The following LRRC53 variants were observed in gnomAD, a reference collection of about 807,000 sequenced individuals.
LRRC53 encodes the protein leucine-rich repeat-containing protein 53.
A neutral mutation model predicts 13.6 loss-of-function variants in LRRC53; 25 were observed. The observed-to-expected ratio is 1.83, with a 90% CI of 1.34 to 2.56. The LOEUF (loss-of-function observed/expected upper bound fraction) is 2.56, where lower values mean the gene tolerates loss of function less well. LRRC53 is among the 30% of genes most tolerant of loss of function. The pLI is 0.00. For synonymous variants in LRRC53, 204 were observed against 109.8 expected (o/e 1.86, Z -5.37); for missense variants, 527 against 275.8 (o/e 1.91, Z -6.45).
intron 1 of LRRC53, among the ~76,000 whole-genome samples, chr1:74,502,686 T>C (rs1013673493): frequency 2.0e-5 from 3 of 152,188 alleles, no homozygotes; most frequent in Non-Finnish European, 2.9e-5. Context: ...TAGCCTTTGA[T>C]TGGAGGGAAA....
the LRRC53 span, among the ~76,000 whole-genome samples, chr1:74,518,322 C>A: frequency 6.6e-6 from 1 of 152,176 alleles, no homozygotes; most frequent in Admixed American, 6.6e-5. Flanking sequence ...TTATTTTCAT[C>A]TCCTATTTCC....
At chr1:74,532,550 G>T in the LRRC53 span, among the ~76,000 whole-genome samples, 1 of 151,558 alleles carries the variant, frequency 6.6e-6, no homozygotes, top group African/African-American at 2.4e-5. Flanking sequence ...ATGCATACAT[G>T]TGCCATGCTG....
chr1:74,515,479 A>G (rs766106244), upstream of LRRC53, among the ~76,000 whole-genome samples: 9 of 152,230 alleles, frequency 5.9e-5, no homozygotes, highest in Admixed American at 2.0e-4. Context: ...TAGAAATGAT[A>G]CTAGGAAAGG....
intron 2 of LRRC53, among the ~76,000 whole-genome samples, chr1:74,481,865 T>C (rs1331816195): frequency 1.3e-5 from 2 of 152,208 alleles, no homozygotes; most frequent in African/African-American, 4.8e-5. Flanking sequence ...GGGAGGTCTA[T>C]AGGTGATATT....
intron 1 of LRRC53, among the ~76,000 whole-genome samples, chr1:74,487,553 T>C (rs1054330259): frequency 1.3e-5 from 2 of 151,992 alleles, no homozygotes; most frequent in East Asian, 1.9e-4. Flanking sequence ...AAATGCAAGA[T>C]GAAGCAAGGG....
chr1:74,511,655 G>A (rs934622492), intron 1 of LRRC53, among the ~76,000 whole-genome samples: 6 of 151,948 alleles, frequency 3.9e-5, no homozygotes, highest in Admixed American at 3.3e-4. Context: ...TTCAGTCCTG[G>A]GGGAATTCAC....
At chr1:74,508,000 A>G (rs1669991844) in intron 1 of LRRC53, among the ~76,000 whole-genome samples, 1 of 152,208 alleles carries the variant, frequency 6.6e-6, no homozygotes. Context: ...AGTAGTTTGT[A>G]TGGAAAATAG....
At chr1:74,501,532 G>A (rs1045219731) in intron 1 of LRRC53, among the ~76,000 whole-genome samples, 2 of 151,814 alleles carry the variant, frequency 1.3e-5, no homozygotes, top group Non-Finnish European at 2.9e-5. Flanking sequence ...TGTCACCCAG[G>A]CTAGAGTGCA....
chr1:74,504,821 A>G (rs908203443), intron 1 of LRRC53, among the ~76,000 whole-genome samples: 2 of 152,118 alleles, frequency 1.3e-5, no homozygotes, highest in African/African-American at 4.8e-5. Context: ...AGTGCTTGTT[A>G]GCGACCTAAA....
the LRRC53 span, among the ~76,000 whole-genome samples, chr1:74,532,993 A>G: frequency 1.3e-5 from 2 of 152,206 alleles, no homozygotes; most frequent in Non-Finnish European, 2.9e-5. Context: ...ACCATTCAGG[A>G]CATAGGCATG....
At chr1:74,523,951 G>A in the LRRC53 span, among the ~76,000 whole-genome samples, 1 of 151,344 alleles carries the variant, frequency 6.6e-6, no homozygotes, top group Non-Finnish European at 1.5e-5. Context: ...AGGCCCCAGT[G>A]TGTGATATTC....
chr1:74,474,271 T>C (rs1326001395), intron 4 of LRRC53, among the ~76,000 whole-genome samples: 4 of 152,116 alleles, frequency 2.6e-5, no homozygotes, highest in Non-Finnish European at 5.9e-5. Flanking sequence ...TATTTCTTTA[T>C]AAAATAAAGC....
intron 1 of LRRC53, among the ~76,000 whole-genome samples, chr1:74,492,978 C>T (rs978635672): frequency 1.3e-5 from 2 of 152,110 alleles, no homozygotes; most frequent in East Asian, 3.9e-4. Context: ...GCAGGGAGAG[C>T]TCTAGTGTCC....
At chr1:74,473,638 C>T (rs1212980244) in intron 4 of LRRC53, among the ~76,000 whole-genome samples, 2 of 151,930 alleles carry the variant, frequency 1.3e-5, no homozygotes, top group Non-Finnish European at 2.9e-5. Context: ...ACTCCATCTC[C>T]AATTTTCCCC....
chr1:74,532,097 G>T, the LRRC53 span, among the ~76,000 whole-genome samples: 4 of 152,130 alleles, frequency 2.6e-5, no homozygotes, highest in Non-Finnish European at 5.9e-5. Context: ...GCTGTGTTTA[G>T]GAAGATGAAT....
intron 3 of LRRC53, among the ~76,000 whole-genome samples, chr1:74,478,692 C>G (rs997326753): frequency 6.6e-6 from 1 of 152,180 alleles, no homozygotes; most frequent in African/African-American, 2.4e-5. Context: ...ACCTGTTTCA[C>G]TTTGCTTAAC....
intron 1 of LRRC53, among the ~76,000 whole-genome samples, chr1:74,503,758 T>A (rs1669753508): frequency 6.6e-6 from 1 of 152,228 alleles, no homozygotes; most frequent in Non-Finnish European, 1.5e-5. Flanking sequence ...TTTATCTCTT[T>A]CTTTTTAAGC....
chr1:74,521,527 T>C, the LRRC53 span, among the ~76,000 whole-genome samples: 3 of 152,116 alleles, frequency 2.0e-5, no homozygotes, highest in Non-Finnish European at 4.4e-5. Flanking sequence ...TATATATATA[T>C]ATACACCTAT....
At chr1:74,512,806 T>C (rs897980672), upstream of LRRC53, among the ~76,000 whole-genome samples, 7 of 152,276 alleles carry the variant, frequency 4.6e-5, no homozygotes, top group East Asian at 1.4e-3. Flanking sequence ...TGTTGGGAGC[T>C]TCATACTGTA....
Sources: gnomAD v4.1 joint callset for allele counts (sites outside exome capture counted in the v4.1 genomes callset) on GRCh38, gnomAD v4.1.1 for gene constraint, MANE v1.5 for transcripts, NCBI Gene and HGNC (gene_info 2026-07-23, HGNC 2026-07-21) for gene names.